FREM2: variants seen among roughly 807,000 people sequenced by gnomAD.
FREM2 encodes FRAS1 related extracellular matrix 2, also known as FRAS1-related extracellular matrix protein 2.
FREM2 carries 119 observed loss-of-function variants against 219.9 expected under a neutral mutation model. The ratio of observed to expected loss-of-function variants is 0.54; its 90% CI spans 0.47 to 0.63. The LOEUF is 0.63. FREM2 is among the 30% of genes least tolerant of loss of function. FREM2 has a pLI of 0.00. For synonymous variants in FREM2, 1,562 were observed against 1,522.8 expected (o/e 1.03, Z -0.60); for missense variants, 4,030 against 3,993.6 (o/e 1.01, Z -0.25).
At chr13:38,790,495 G>C (rs1470238371) in intron 6 of FREM2, among the ~76,000 whole-genome samples, 1 of 151,998 alleles carries the variant, frequency 6.6e-6, no homozygotes, top group Non-Finnish European at 1.5e-5. Context: ...AAATATTGCT[G>C]TTATAATTCA....
intron 2 of FREM2, among the ~76,000 whole-genome samples, chr13:38,744,293 C>A (rs1207725004): frequency 3.3e-5 from 5 of 149,472 alleles, no homozygotes; most frequent in African/African-American, 1.2e-4. Context: ...TCTCAGCAGC[C>A]TCCAACTCCT....
chr13:38,774,615 C>T (rs1252619834), intron 4 of FREM2, among the ~76,000 whole-genome samples: 2 of 152,134 alleles, frequency 1.3e-5, no homozygotes, highest in Non-Finnish European at 2.9e-5. Flanking sequence ...ACACTATCTT[C>T]CCTTGCTCTT....
intron 6 of FREM2, among the ~76,000 whole-genome samples, chr13:38,825,791 A>G (rs979295094): frequency 6.6e-6 from 1 of 152,120 alleles, no homozygotes; most frequent in Non-Finnish European, 1.5e-5. Context: ...AGGCTCTGCC[A>G]TGAGCATCAC....
intron 14 of FREM2, 144 bp from the exon 15 acceptor site, chr13:38,861,287 C>T (rs190562791): frequency 1.2e-5 from 9 of 772,008 alleles, no homozygotes; most frequent in African/African-American, 3.5e-5. Flanking sequence ...TTCCTTATCA[C>T]GTGATGTACA....
At chr13:38,719,306 C>T (rs1292854495) in intron 2 of FREM2, among the ~76,000 whole-genome samples, 3 of 152,154 alleles carry the variant, frequency 2.0e-5, no homozygotes, top group African/African-American at 2.4e-5. Context: ...CTGACACCTC[C>T]GCCTCCTAGG....
rs1253294267 is a variant in FREM2, at chr13:38,851,773, T to A, written c.6830T>A (p.Ile2277Asn). 1.9e-6 allele frequency: 3 copies of A among 1,613,832 alleles called. No homozygotes were observed. The highest frequency in any genetic ancestry group is 2.5e-6 in the Non-Finnish European group (3 of 1,179,774). ...GESVVIRIPV[I>N]RQGDTSKVSI... Reference sequence around the variant, plus strand: ...TCGGTGGTTATAAGAATTCCAGTGATTCGCCAAGGAGACACTTCAAAGGTT... The same window carrying A: ...TCGGTGGTTATAAGAATTCCAGTGAATCGCCAAGGAGACACTTCAAAGGTT... The change falls in exon 11 of 24, where the codon ATT becomes AAT. Residue 2277 changes from isoleucine to asparagine, a missense_variant. Ile to Asn is a moderately radical substitution (Grantham distance 149). This residue lies in a region of FREM2 where 3,102 missense variants were observed against 2,950.7 expected (regional missense o/e 1.05). Transcript: ENST00000280481.
chr13:38,719,365 C>T (rs1335177447), intron 2 of FREM2, among the ~76,000 whole-genome samples: 2 of 152,156 alleles, frequency 1.3e-5, no homozygotes, highest in Non-Finnish European at 2.9e-5. Flanking sequence ...AGATTACAGG[C>T]ATGCACCACC....
intron 2 of FREM2, among the ~76,000 whole-genome samples, chr13:38,730,880 C>T (rs999363842): frequency 1.3e-5 from 2 of 150,202 alleles, no homozygotes; most frequent in African/African-American, 4.9e-5. Flanking sequence ...ACTTACTCAC[C>T]TACACCAAAA....
Position 38,688,464 on chromosome 13 carries a change from G to A in FREM2, c.1120G>A (p.Asp374Asn). 6.2e-7 allele frequency: 1 copy of A among 1,614,090 alleles called. No homozygotes were observed. Among genetic ancestry groups the A allele is most frequent in the Non-Finnish European group, 8.5e-7 (1 of 1,180,022 alleles). The change falls in exon 1 of 24, where the codon GAT (aspartate) becomes AAT (asparagine). Residue 374 changes from aspartate to asparagine, a missense_variant. Asp to Asn is a conservative substitution (Grantham distance 23). Transcript: ENST00000280481. The part of the protein sequence containing the change: ...QPGQGYLVST[D>N]DRSLPLSSFT... Reference sequence around the variant, plus strand: ...TGGCCAGGGCTACTTGGTGAGCACCGATGATCGCAGCCTGCCCCTTTCCTC... The same window carrying A: ...TGGCCAGGGCTACTTGGTGAGCACCAATGATCGCAGCCTGCCCCTTTCCTC...
At chr13:38,719,888 A>C (rs1411952814) in intron 2 of FREM2, among the ~76,000 whole-genome samples, 1 of 152,160 alleles carries the variant, frequency 6.6e-6, no homozygotes, top group Non-Finnish European at 1.5e-5. Flanking sequence ...CTTTGCAAAA[A>C]TATCTAACTT....
intron 6 of FREM2, among the ~76,000 whole-genome samples, chr13:38,845,910 T>A (rs1431982818): frequency 6.6e-6 from 1 of 152,190 alleles, no homozygotes; most frequent in Non-Finnish European, 1.5e-5. Flanking sequence ...CATTTTCATG[T>A]GTGTTTAGAA....
At chr13:38,746,821 C>G (rs1872503380) in intron 2 of FREM2, among the ~76,000 whole-genome samples, 1 of 152,160 alleles carries the variant, frequency 6.6e-6, no homozygotes, top group Non-Finnish European at 1.5e-5. Flanking sequence ...GAAGATTTAA[C>G]TTCTTCCAGA....
intron 2 of FREM2, among the ~76,000 whole-genome samples, chr13:38,718,468 A>ATCT (rs1270872381): frequency 2.0e-5 from 3 of 152,134 alleles, no homozygotes; most frequent in Non-Finnish European, 4.4e-5. Context: ...CCCTTTTATT[A>ATCT]TTAATGGAAA....
intron 6 of FREM2, among the ~76,000 whole-genome samples, chr13:38,816,433 C>G (rs1400031381): frequency 6.6e-6 from 1 of 152,140 alleles, no homozygotes; most frequent in Admixed American, 6.5e-5. Context: ...TTAACATTTG[C>G]AAACCAATAA....
chr13:38,847,759 A>G (rs1312768418), intron 7 of FREM2, among the ~76,000 whole-genome samples: 1 of 152,180 alleles, frequency 6.6e-6, no homozygotes, highest in South Asian at 2.1e-4. Context: ...AAGAAATATT[A>G]TCGATCTGTT....
chr13:38,807,197 A>ATATATATATC, intron 6 of FREM2, among the ~76,000 whole-genome samples: 1 of 84,322 alleles, frequency 1.2e-5, no homozygotes, highest in Non-Finnish European at 2.2e-5. Context: ...TGTTATATAT[A>ATATATATATC]TATATATATA....
At chr13:38,792,352 A>C (rs931414340) in intron 6 of FREM2, among the ~76,000 whole-genome samples, 3 of 152,158 alleles carry the variant, frequency 2.0e-5, no homozygotes, top group African/African-American at 7.2e-5. Flanking sequence ...GGTCTCAAAA[A>C]ATATATTTTA....
chr13:38,693,707 A>G (rs1361873215), intron 1 of FREM2, among the ~76,000 whole-genome samples: 1 of 152,162 alleles, frequency 6.6e-6, no homozygotes, highest in African/African-American at 2.4e-5. Context: ...ACTGTGTTGT[A>G]CTCTTAGATA....
intron 6 of FREM2, among the ~76,000 whole-genome samples, chr13:38,818,787 AC>A (rs1875876052): frequency 1.3e-5 from 2 of 151,798 alleles, no homozygotes; most frequent in Admixed American, 6.6e-5. Context: ...ACATAGTGAA[AC>A]CCCGTCTTTA....
Sources: allele counts gnomAD v4.1 joint callset (sites outside exome capture counted in the v4.1 genomes callset), GRCh38; gene constraint gnomAD v4.1.1; regional missense constraint gnomAD v4.1.1; transcripts MANE v1.5; gene names NCBI Gene and HGNC (gene_info 2026-07-23, HGNC 2026-07-21).